The following MAML2 variants were observed in gnomAD, a reference collection of about 807,000 sequenced individuals.
MAML2 encodes the protein mastermind-like protein 2.
MAML2 carries 22 observed loss-of-function variants against 96.1 expected under a neutral mutation model. That is an observed-to-expected ratio of 0.23 (90% confidence interval 0.16 to 0.33). MAML2 has a LOEUF of 0.33. Among genes scored for constraint, MAML2 ranks in the 10% least tolerant of loss-of-function variants. The pLI is 1.00. For missense variants in MAML2, 1,367 were observed against 1,392.4 expected, an observed-to-expected ratio of 0.98 and a Z score of 0.29; for synonymous variants, 561 against 521.3, an observed-to-expected ratio of 1.08 and a Z score of -1.04.
At chr11:95,983,527 T>C (rs1461412226) in intron 4 of MAML2, among the ~76,000 whole-genome samples, 1 of 152,180 alleles carries the variant, frequency 6.6e-6, no homozygotes, top group Non-Finnish European at 1.5e-5. Flanking sequence ...TAATTTATAC[T>C]ATGTTTTCAA....
intron 1 of MAML2, among the ~76,000 whole-genome samples, chr11:96,192,198 G>T (rs1349142267): frequency 6.6e-6 from 1 of 152,178 alleles, no homozygotes; most frequent in Non-Finnish European, 1.5e-5. Flanking sequence ...GGAACCTGGG[G>T]CACTAAAACA....
intron 1 of MAML2, among the ~76,000 whole-genome samples, chr11:96,242,583 G>A (rs574765877): frequency 1.3e-4 from 20 of 152,280 alleles, no homozygotes; most frequent in Non-Finnish European, 2.8e-4. Flanking sequence ...TTTAGTTTCT[G>A]CAGGCTGAAA....
chr11:96,065,934 T>C (rs1283783508), intron 2 of MAML2, among the ~76,000 whole-genome samples: 2 of 152,150 alleles, frequency 1.3e-5, no homozygotes, highest in East Asian at 1.9e-4. Flanking sequence ...CCAGGCGCAA[T>C]AGGAAACTGG....
chr11:96,089,794 C>T (rs1859674521), intron 2 of MAML2, among the ~76,000 whole-genome samples: 1 of 151,890 alleles, frequency 6.6e-6, no homozygotes, highest in Admixed American at 6.6e-5. Flanking sequence ...TGGCTACTCC[C>T]TGTATCGAAG....
At chr11:96,104,027 G>C (rs147977420) in intron 1 of MAML2, among the ~76,000 whole-genome samples, 1 of 151,994 alleles carries the variant, frequency 6.6e-6, no homozygotes, top group African/African-American at 2.4e-5. Context: ...CTTAAGTCTC[G>C]ACTTAATGTG....
chr11:96,104,058 T>C (rs565709304), intron 1 of MAML2, among the ~76,000 whole-genome samples: 1 of 152,338 alleles, frequency 6.6e-6, no homozygotes, highest in East Asian at 1.9e-4. Context: ...AGATATTCCA[T>C]GGCCATTCCA....
At chr11:96,123,615 C>T (rs527667240) in intron 1 of MAML2, among the ~76,000 whole-genome samples, 7 of 152,306 alleles carry the variant, frequency 4.6e-5, no homozygotes, top group Admixed American at 2.0e-4. Flanking sequence ...AGTAAGGTTG[C>T]ACCAGTTATT....
At chr11:96,036,686 G>T (rs1858718066) in intron 2 of MAML2, among the ~76,000 whole-genome samples, 1 of 152,138 alleles carries the variant, frequency 6.6e-6, no homozygotes, top group Admixed American at 6.5e-5. Context: ...TAAATTTAGA[G>T]ATTTAACCAA....
intron 1 of MAML2, among the ~76,000 whole-genome samples, chr11:96,207,976 A>T (rs771776711): frequency 6.6e-6 from 1 of 152,156 alleles, no homozygotes; most frequent in Non-Finnish European, 1.5e-5. Context: ...TGTTTTCTCC[A>T]TACTAACACA....
At chr11:96,015,821 G>A (rs1858342570) in intron 2 of MAML2, among the ~76,000 whole-genome samples, 1 of 152,082 alleles carries the variant, frequency 6.6e-6, no homozygotes, top group Non-Finnish European at 1.5e-5. Flanking sequence ...TAATGATATT[G>A]AATCATGAAT....
chr11:96,030,264 T>A (rs1858592320), intron 2 of MAML2, among the ~76,000 whole-genome samples: 1 of 151,636 alleles, frequency 6.6e-6, no homozygotes, highest in Non-Finnish European at 1.5e-5. Context: ...AAAGATAAAG[T>A]TCAGAAATAG....
chr11:96,202,199 A>T (rs909615548), intron 1 of MAML2, among the ~76,000 whole-genome samples: 1 of 143,972 alleles, frequency 6.9e-6, no homozygotes, highest in African/African-American at 2.5e-5. Flanking sequence ...AAAAAAAAAA[A>T]AATTAGCCGG....
chr11:95,997,873 T>C (rs969971309), intron 2 of MAML2, among the ~76,000 whole-genome samples: 1 of 152,150 alleles, frequency 6.6e-6, no homozygotes, highest in African/African-American at 2.4e-5. Context: ...TCTGCTCTTT[T>C]ACTCTGAGAA....
intron 1 of MAML2, among the ~76,000 whole-genome samples, chr11:96,197,958 G>T (rs563891516): frequency 6.6e-6 from 1 of 152,296 alleles, no homozygotes; most frequent in African/African-American, 2.4e-5. Context: ...AGAGAGATTT[G>T]ACATATTTGA....
intron 1 of MAML2, among the ~76,000 whole-genome samples, chr11:96,240,557 C>CAAAAAAAAAAAAAAAAAAAAAAAAA (rs55659413): frequency 4.9e-4 from 25 of 51,094 alleles, no homozygotes; most frequent in African/African-American, 6.7e-4. Flanking sequence ...GACTCCGTCT[C>CAAAAAAAAAAAAAAAAAAAAAAAAA]AAAAAAAAAA....
intron 1 of MAML2, among the ~76,000 whole-genome samples, chr11:96,139,008 G>C (rs567159109): frequency 8.5e-5 from 13 of 152,252 alleles, no homozygotes; most frequent in African/African-American, 2.6e-4. Context: ...ACTTTCTCAT[G>C]TAGTAAATTC....
chr11:96,192,380 T>C (rs546373242), intron 1 of MAML2, among the ~76,000 whole-genome samples: 30 of 152,326 alleles, frequency 2.0e-4, no homozygotes, highest in African/African-American at 7.2e-4. Context: ...CAGGTCTGTT[T>C]CCCTAAATTG....
intron 1 of MAML2, among the ~76,000 whole-genome samples, chr11:96,306,135 T>C (rs1253692481): frequency 6.6e-6 from 1 of 152,068 alleles, no homozygotes; most frequent in Non-Finnish European, 1.5e-5. Flanking sequence ...ATTCTGAAAA[T>C]ATGGAGCACT....
rs1491312139 is a variant in MAML2, at chr11:96,240,558, A to AAC, written c.513+100824_513+100825insGT. Among the ~76,000 whole-genome samples, 74 of 38,364 alleles carry AAC rather than the reference A, an allele frequency of 1.9e-3. 3 individuals carry two copies. Among genetic ancestry groups the AAC allele is most frequent in the Admixed American group, 2.9e-3 (12 of 4,068 alleles). The allele number at this position is 38,364 out of a possible 152,430, so 25.2% of individuals were successfully genotyped here. A position where few individuals can be genotyped will look rare whatever the true frequency, so the allele number is the denominator to read the frequency against. On this transcript the variant is annotated intron_variant, in intron 1 of 4. Coordinates refer to ENST00000524717, the MANE Select transcript of MAML2 (RefSeq NM_032427.4). ...GGGCGACAGAGCGAGACTCCGTCTC[A>AAC]AAAAAAAAAAAAAAAAAAAAAAAAA...
Sources: gnomAD v4.1 joint callset for allele counts (sites outside exome capture counted in the v4.1 genomes callset) on GRCh38, gnomAD v4.1.1 for gene constraint, MANE v1.5 for transcripts, NCBI Gene and HGNC (gene_info 2026-07-23, HGNC 2026-07-21) for gene names.